The following SGSM1 variants were observed in gnomAD, a reference collection of about 807,000 sequenced individuals.
The protein encoded by SGSM1 is RUN and TBC1 domain containing 2.
A neutral mutation model predicts 133.8 loss-of-function variants in SGSM1; 73 were observed. The observed-to-expected ratio is 0.55, with a 90% CI of 0.45 to 0.66. SGSM1 has a LOEUF of 0.66. Among genes scored for constraint, SGSM1 ranks in the 30% least tolerant of loss-of-function variants. The probability of loss-of-function intolerance (pLI) is 0.00; values close to 1 mark genes in which losing one functional copy is unlikely to be tolerated. For synonymous variants in SGSM1, 563 were observed against 573.0 expected (o/e 0.98, Z 0.25); for missense variants, 1,213 against 1,448.1 (o/e 0.84, Z 2.64).
Position 24,843,274 on chromosome 22 carries a change from G to T in SGSM1, c.64-1623G>T, listed in dbSNP as rs114344071. On this transcript the variant is annotated intron_variant, in intron 2 of 24. Transcript: ENST00000400358. Reference sequence around the variant, plus strand: ...AGCGCTGGTGCTGACTTGGTTGTGTGGGGTGGGGGTGGTGAGCCAGCTCTA... The same window carrying T: ...AGCGCTGGTGCTGACTTGGTTGTGTTGGGTGGGGGTGGTGAGCCAGCTCTA... Among the ~76,000 whole-genome samples the T allele has an allele frequency of 3.8e-3, 585 of 152,268 alleles. 2 individuals are homozygous for T. The highest frequency in any genetic ancestry group is 0.013 in the African/African-American group (545 of 41,546).
chr22:24,904,495 T>G (rs887506434), intron 20 of SGSM1, among the ~76,000 whole-genome samples: 33 of 150,376 alleles, frequency 2.2e-4, no homozygotes, highest in African/African-American at 8.1e-4. Context: ...CAGGAGAATG[T>G]CGTGAACCCA....
intron 16 of SGSM1, among the ~76,000 whole-genome samples, chr22:24,890,007 A>T (rs1275661408): frequency 1.4e-5 from 2 of 141,582 alleles, no homozygotes; most frequent in Non-Finnish European, 3.0e-5. Context: ...CCCAGGCTGG[A>T]GTGCAGTGGC....
chr22:24,841,664 G>A (rs923131281), intron 2 of SGSM1, among the ~76,000 whole-genome samples: 27 of 152,224 alleles, frequency 1.8e-4, no homozygotes, highest in African/African-American at 6.5e-4. Flanking sequence ...TGGACTGGGA[G>A]GTGGTGGTGG....
At chr22:24,826,139 A>G (rs191118768) in intron 2 of SGSM1, among the ~76,000 whole-genome samples, 1 of 152,380 alleles carries the variant, frequency 6.6e-6, no homozygotes, top group East Asian at 1.9e-4. Flanking sequence ...TAGGTTTGCC[A>G]GTTTTAGCAA....
At chr22:24,859,547 G>C in intron 8 of SGSM1, 169 bp from the exon 9 acceptor site, 1 of 916,148 alleles carries the variant, frequency 1.1e-6, no homozygotes, top group Non-Finnish European at 1.7e-6. Context: ...GCTTTGCTTA[G>C]CATGGCCATC....
At chr22:24,861,003 T>C (rs1931120050) in intron 9 of SGSM1, among the ~76,000 whole-genome samples, 3 of 148,066 alleles carry the variant, frequency 2.0e-5, no homozygotes, top group South Asian at 4.3e-4. Flanking sequence ...TATTTTAATG[T>C]GTATCTCTAA....
intron 9 of SGSM1, among the ~76,000 whole-genome samples, chr22:24,863,676 G>A (rs1240735251): frequency 6.6e-6 from 1 of 152,138 alleles, no homozygotes; most frequent in Non-Finnish European, 1.5e-5. Context: ...TCCCTTGGGG[G>A]ACCAAGAAGC....
At chr22:24,903,684 A>G (rs567294181) in intron 20 of SGSM1, among the ~76,000 whole-genome samples, 4 of 152,194 alleles carry the variant, frequency 2.6e-5, no homozygotes, top group Non-Finnish European at 5.9e-5. Context: ...GATTTTGACA[A>G]CGTTAAGAAA....
chr22:24,845,930 C>CTTTTA (rs1358794816), intron 3 of SGSM1, among the ~76,000 whole-genome samples: 1 of 146,238 alleles, frequency 6.8e-6, no homozygotes, highest in African/African-American at 2.6e-5. Context: ...CAAGATCTTT[C>CTTTTA]TTTTCTTTTC....
chr22:24,905,220 G>T (rs770429764), intron 21 of SGSM1, 33 bp downstream of exon 21: 2 of 1,597,886 alleles, frequency 1.3e-6, no homozygotes, highest in East Asian at 4.5e-5. Context: ...AGGGCTGAGG[G>T]TGCATTTCCT....
At chr22:24,838,902 A>T (rs1929629498) in intron 2 of SGSM1, among the ~76,000 whole-genome samples, 1 of 141,854 alleles carries the variant, frequency 7.0e-6, no homozygotes. Context: ...CTTGATATTA[A>T]TTTTAGGATA....
chr22:24,850,480 C>T (rs1169917570), intron 5 of SGSM1, 48 bp downstream of exon 5: 8 of 1,591,742 alleles, frequency 5.0e-6, no homozygotes, highest in Admixed American at 1.7e-5. Context: ...CCCCACCTGC[C>T]GGCCGTTGTG....
At position 24,924,340 on chromosome 22, in the gene SGSM1, C is replaced by T. The variant is rs957838109; in HGVS notation, c.*66C>T. 20 of 1,483,482 alleles carry T rather than the reference C, an allele frequency of 1.3e-5. No individual in the cohort carries two copies. The Admixed American group carries it at 3.5e-4, about 26-fold the overall frequency. 91.9% of individuals were successfully genotyped at this position (1,483,482 alleles called of 1,614,324 possible). A position where few individuals can be genotyped will look rare whatever the true frequency, so the allele number is the denominator to read the frequency against. On this transcript the variant is annotated 3_prime_UTR_variant, in exon 25 of 25. Transcript: ENST00000400358. Reference sequence around the variant, plus strand: ...CCCCGCTCCTCTGCTTACTTTTCCTCCTGGCTGGATGGGCACCCCGGGAGC... The same window carrying T: ...CCCCGCTCCTCTGCTTACTTTTCCTTCTGGCTGGATGGGCACCCCGGGAGC...
At chr22:24,876,107 C>G (rs1267311982) in intron 12 of SGSM1, among the ~76,000 whole-genome samples, 1 of 152,202 alleles carries the variant, frequency 6.6e-6, no homozygotes, top group African/African-American at 2.4e-5. Context: ...CGCAGGTGCC[C>G]TCTTCCTCAG....
At chr22:24,824,944 C>T (rs888431499) in intron 2 of SGSM1, among the ~76,000 whole-genome samples, 5 of 152,222 alleles carry the variant, frequency 3.3e-5, no homozygotes, top group African/African-American at 4.8e-5. Flanking sequence ...GCTTGCTCCT[C>T]GGTGCCTGTC....
intron 21 of SGSM1, among the ~76,000 whole-genome samples, chr22:24,909,682 C>G (rs894485670): frequency 6.6e-6 from 1 of 152,144 alleles, no homozygotes; most frequent in Non-Finnish European, 1.5e-5. Context: ...TCTCGAACTC[C>G]TGACCTCAGG....
At chr22:24,831,293 G>A (rs1012542934) in intron 2 of SGSM1, among the ~76,000 whole-genome samples, 1 of 151,974 alleles carries the variant, frequency 6.6e-6, no homozygotes, top group Non-Finnish European at 1.5e-5. Flanking sequence ...CAGCCTCAGG[G>A]GAAGCCTCGG....
chr22:24,880,079 G>C (rs1932243997), intron 14 of SGSM1, among the ~76,000 whole-genome samples: 1 of 152,086 alleles, frequency 6.6e-6, no homozygotes. Flanking sequence ...ACAAGCAGTA[G>C]AGCTGAGACT....
chr22:24,862,196 C>T (rs534632879), intron 9 of SGSM1, among the ~76,000 whole-genome samples: 170 of 152,216 alleles, frequency 1.1e-3, no homozygotes, highest in African/African-American at 3.8e-3. Context: ...CTGATCCACC[C>T]GTCTCGGCCT....
Sources: allele counts gnomAD v4.1 joint callset (sites outside exome capture counted in the v4.1 genomes callset), GRCh38; gene constraint gnomAD v4.1.1; transcripts MANE v1.5; gene names NCBI Gene and HGNC (gene_info 2026-07-23, HGNC 2026-07-21).